Variants in LCN6 observed in about 807,000 individuals in gnomAD.
The protein encoded by LCN6 is epididymal-specific lipocalin-6.
In LCN6, 20 loss-of-function variants were observed where a neutral mutation model predicts 21.4. The observed-to-expected ratio is 0.93, with a 90% confidence interval of 0.66 to 1.36. LCN6 has a LOEUF of 1.36. Ranked by LOEUF, LCN6 falls within the 40% of genes most tolerant of loss-of-function variation. The pLI is 0.00. For missense variants in LCN6, 217 were observed against 206.6 expected (o/e 1.05, Z -0.31); for synonymous variants, 96 against 89.0 (o/e 1.08, Z -0.44).
rs768615375 is a variant in LCN6 at position 136,747,535 on chromosome 9, A to G, written c.119T>C (p.Val40Ala). The G allele has an allele frequency of 3.1e-6, 5 of 1,612,430 alleles. No homozygotes were observed. The East Asian group carries it at 1.1e-4, about 36-fold the overall frequency. ...QLLGPWYVLA[V>A]ASREKGFAME... Reference sequence around the variant, plus strand: ...GGCAAAGCCCTTTTCCCGGGAGGCCACCGCAAGCACGTACCAGGGCCCAAG... The same window carrying G: ...GGCAAAGCCCTTTTCCCGGGAGGCCGCCGCAAGCACGTACCAGGGCCCAAG... Residue 40 changes from valine to alanine, a missense_variant, in exon 2 of 7, where the codon GTG becomes GCG. Val to Ala is a moderately conservative substitution (Grantham distance 64, BLOSUM62 0). Coordinates refer to ENST00000341206, the MANE Select transcript of LCN6 (RefSeq NM_198946.3).
Position 136,747,450 on chromosome 9 carries a change from G to A in LCN6, c.204C>T (p.Asn68=), listed in dbSNP as rs761868014. The change falls in exon 2 of 7, where the codon AAC becomes AAT. Residue 68 remains asparagine (N), a synonymous_variant. Coordinates refer to ENST00000341206, the MANE Select transcript of LCN6 (RefSeq NM_198946.3). ...CGTGCTGAGAGGACAGCGTCCGCAG[G>A]TTGTTTTCTGGAGTGAGGGTCACCA... ...GVVVTLTPEN[N]LRTLSSQHGL... is the part of the protein sequence containing the mutation. 1.2e-6 allele frequency: 2 copies of A among 1,613,476 alleles called. No individual in the cohort carries two copies. Among genetic ancestry groups the A allele is most frequent in the Admixed American group, 1.7e-5 (1 of 59,992 alleles).
intron 2 of LCN6, among the ~76,000 whole-genome samples, chr9:136,746,429 C>A (rs1187917059): frequency 6.6e-6 from 1 of 151,934 alleles, no homozygotes; most frequent in Non-Finnish European, 1.5e-5. Flanking sequence ...GGGAAGGGGC[C>A]GGCGCTCCCT....
intron 2 of LCN6, among the ~76,000 whole-genome samples, chr9:136,747,139 C>T (rs1847049220): frequency 6.6e-6 from 1 of 152,202 alleles, no homozygotes; most frequent in Admixed American, 6.5e-5. Flanking sequence ...AGCCTGCAGC[C>T]CAGATGACCC....
At position 136,745,233 on chromosome 9, in the gene LCN6, A is replaced by G. The variant is rs1395052318; in HGVS notation, c.349T>C (p.Tyr117His). 2 of 1,613,750 alleles carry G rather than the reference A, an allele frequency of 1.2e-6. No homozygotes were observed. Among genetic ancestry groups the G allele is most frequent in the South Asian group, 1.1e-5 (1 of 91,084 alleles). Residue 117 changes from tyrosine to histidine, a missense_variant, in exon 4 of 7, where the codon TAT becomes CAT. Physicochemically the swap from Tyr to His is moderately conservative, Grantham distance 83. Transcript: ENST00000341206. ...LWVLATNFRD[Y>H]AIIFTQLEFG... ...TCCAGCTGAGTGAAGATGATGGCAT[A>G]GTCTCTGAAGTTGGTGGCCAGCACC...
At chr9:136,747,217 AC>A (rs1847050683) in intron 2 of LCN6, among the ~76,000 whole-genome samples, 1 of 152,154 alleles carries the variant, frequency 6.6e-6, no homozygotes, top group Non-Finnish European at 1.5e-5. Flanking sequence ...TGGGAGTGCC[AC>A]CTGGAGGCCC....
chr9:136,747,939 C>T (rs1257730472), intron 1 of LCN6, among the ~76,000 whole-genome samples: 7 of 149,300 alleles, frequency 4.7e-5, no homozygotes, highest in African/African-American at 1.0e-4. Flanking sequence ...AGGCTCCAGC[C>T]CTCCAGCCTT....
chr9:136,748,503 G>A lies in LCN6; in HGVS notation c.-20C>T, dbSNP rs889237077. The A allele has an allele frequency of 1.2e-5, 20 of 1,608,998 alleles. No homozygotes were observed. Among genetic ancestry groups the A allele is most frequent in the Admixed American group, 1.0e-4 (6 of 59,556 alleles). On this transcript the variant is annotated 5_prime_UTR_variant, in exon 1 of 7. Transcript: ENST00000341206. The stretch of plus-strand genomic sequence containing the variant: ...GCCCATCCTCCCAGGTCTACACTGC[G>A]CCGCAGGCCCAGGATGTGCAGTCCC...
At chr9:136,745,612 C>T in intron 3 of LCN6, 1 of 600,860 alleles carries the variant, frequency 1.7e-6, no homozygotes, top group Non-Finnish European at 3.0e-6. Flanking sequence ...GCCCTCTGCA[C>T]CTATGGGGAC....
chr9:136,748,501 G>C lies in LCN6; in HGVS notation c.-18C>G. ...CCGCCCATCCTCCCAGGTCTACACTGCGCCGCAGGCCCAGGATGTGCAGTC... is the reference window on the plus strand; with the variant it reads ...CCGCCCATCCTCCCAGGTCTACACTCCGCCGCAGGCCCAGGATGTGCAGTC... On this transcript the variant is annotated 5_prime_UTR_variant, in exon 1 of 7. Transcript: ENST00000341206. The C allele has an allele frequency of 6.2e-7, 1 of 1,609,970 alleles. No homozygotes were observed. The highest frequency in any genetic ancestry group is 8.5e-7 in the Non-Finnish European group (1 of 1,178,330).
intron 3 of LCN6, 62 bp downstream of exon 3, chr9:136,745,782 A>G: frequency 6.9e-7 from 1 of 1,458,170 alleles, no homozygotes; most frequent in Non-Finnish European, 9.6e-7. Context: ...CCCTGCCCGC[A>G]GGGGGCCTGG....
chr9:136,746,372 G>A (rs571287234), intron 2 of LCN6, among the ~76,000 whole-genome samples: 13 of 97,748 alleles, frequency 1.3e-4, no homozygotes, highest in African/African-American at 3.5e-4. Flanking sequence ...GTTCGCCTGC[G>A]ACTCAGGGGA....
rs980160784 is a variant in LCN6, at chr9:136,745,177, C to A, written c.405G>T (p.Glu135Asp). The A allele has an allele frequency of 6.2e-7, 1 of 1,608,306 alleles. No individual in the cohort carries two copies. The highest frequency in any genetic ancestry group is 1.3e-5 in the African/African-American group (1 of 74,796). Residue 135 changes from glutamate (E) to aspartate (D), a missense_variant, in exon 4 of 7, where the codon GAG (glutamate) becomes GAT (aspartate). Transcript: ENST00000341206. ...CCCGCACAGCACACTTACTGTACAG[C>A]TCCACGGTGTTGAAGGGCTCGTCCC... Reference protein sequence around the residue: ...EFGDEPFNTVELYSLTETASQ... With the variant: ...EFGDEPFNTVDLYSLTETASQ...
chr9:136,744,582 C>T lies in LCN6; in HGVS notation c.*22+58G>A. 9.1e-7 allele frequency: 1 copy of T among 1,104,962 alleles called. No individual in the cohort carries two copies. The highest frequency in any genetic ancestry group is 1.3e-6 in the Non-Finnish European group (1 of 741,692). The allele number at this position is 1,104,962 out of a possible 1,614,324, so 68.4% of individuals were successfully genotyped here. Reference sequence around the variant, plus strand: ...AGGGTCTCTGTCACCCCATCACGCCCTGTGGGCTCCAGAACTTGCCCCAAG... The same window carrying T: ...AGGGTCTCTGTCACCCCATCACGCCTTGTGGGCTCCAGAACTTGCCCCAAG... On this transcript the variant is annotated intron_variant, in intron 5 of 6. Transcript: ENST00000341206. This position sits in a 1 kb window ranked among gnomAD's most constrained non-coding sequence, Gnocchi z 4.2.
chr9:136,745,300 G>C lies in LCN6; in HGVS notation c.302-20C>G. 6.5e-7 allele frequency: 1 copy of C among 1,545,478 alleles called. No individual in the cohort carries two copies. The highest frequency in any genetic ancestry group is 8.9e-7 in the Non-Finnish European group (1 of 1,118,296). ...CTATTGCTAGGAAACAAAACCCCCC[G>C]CCTCAGGGGAGGGCAGCTGCTGTAT... On this transcript the variant is annotated intron_variant, in intron 3 of 6. Coordinates refer to ENST00000341206, the MANE Select transcript of LCN6 (RefSeq NM_198946.3).
intron 1 of LCN6, among the ~76,000 whole-genome samples, chr9:136,747,900 G>GC (rs2131079683): frequency 9.5e-6 from 1 of 105,820 alleles, no homozygotes; most frequent in African/African-American, 4.8e-5. Flanking sequence ...CAACCCTCCA[G>GC]CCTCCAGCCT....
chr9:136,744,438 TCG>T lies in LCN6; in HGVS notation c.*23-76_*23-75del. On this transcript the variant is annotated intron_variant, in intron 5 of 6. Transcript: ENST00000341206. This position sits in a 1 kb window ranked among gnomAD's most constrained non-coding sequence, Gnocchi z 4.2. ...CACCCCAGGGCCCCACCCACAAGAC[TCG>T]CCTGCCGTGGGGACAAGACCCCCAG... The T allele has an allele frequency of 2.0e-6, 1 of 495,570 alleles. No homozygotes were observed. 30.7% of individuals were successfully genotyped at this position (495,570 alleles called of 1,614,324 possible).
chr9:136,745,952 G>C (rs1346301697), intron 2 of LCN6, 38 bp from the exon 3 acceptor site: 1 of 1,591,948 alleles, frequency 6.3e-7, no homozygotes, highest in Non-Finnish European at 8.6e-7. Flanking sequence ...TCAGGGTCAA[G>C]ACCCCGGGGC....
At position 136,745,391 on chromosome 9, in the gene LCN6, C is replaced by G. The variant is rs1383462805; in HGVS notation, c.302-111G>C. 18 of 750,290 alleles carry G rather than the reference C, an allele frequency of 2.4e-5. No individual in the cohort carries two copies. In the South Asian group the frequency reaches 2.8e-4, roughly 12 times the overall value. 46.5% of individuals were successfully genotyped at this position (750,290 alleles called of 1,614,324 possible). A position where few individuals can be genotyped will look rare whatever the true frequency, so the allele number is the denominator to read the frequency against. On this transcript the variant is annotated intron_variant, in intron 3 of 6. Transcript: ENST00000341206. Reference sequence around the variant, plus strand: ...GAGGGGCCAATTCAAGTGAGAGCCCCCCTCCCCAGGAGACCCCTCCAAGCA... The same window carrying G: ...GAGGGGCCAATTCAAGTGAGAGCCCGCCTCCCCAGGAGACCCCTCCAAGCA...
Position 136,745,922 on chromosome 9 carries a change from A to C in LCN6, c.231-8T>G, listed in dbSNP as rs764206588. 6.2e-7 allele frequency: 1 copy of C among 1,613,468 alleles called. No individual in the cohort carries two copies. Among genetic ancestry groups the C allele is most frequent in the Non-Finnish European group, 8.5e-7 (1 of 1,179,778 alleles). ...TGGTCACACCCTCCCAGCCTGGAAA[A>C]GAAGGGGCCTGTCACCCACTCAGGG... On this transcript the variant is annotated splice_region_variant and splice_polypyrimidine_tract_variant and intron_variant, in intron 2 of 6. Transcript: ENST00000341206.
Sources: allele counts gnomAD v4.1 joint callset (sites outside exome capture counted in the v4.1 genomes callset), GRCh38; gene constraint gnomAD v4.1.1; non-coding constraint Gnocchi (gnomAD v3.1); transcripts MANE v1.5; gene names NCBI Gene and HGNC (gene_info 2026-07-23, HGNC 2026-07-21).